The following GRID2 variants were observed in gnomAD, a reference collection of about 807,000 sequenced individuals.
GRID2 encodes the protein glutamate receptor ionotropic, delta-2.
Under a neutral mutation model 114.8 loss-of-function variants are expected in GRID2, and 33 were observed. The ratio of observed to expected loss-of-function variants is 0.29; its 90% CI spans 0.22 to 0.38. GRID2 has a LOEUF of 0.38. GRID2 is among the 10% of genes least tolerant of loss of function. The probability of loss-of-function intolerance (pLI) is 1.00; values close to 1 mark genes in which losing one functional copy is unlikely to be tolerated. For missense variants in GRID2, 1,184 were observed against 1,257.7 expected (o/e 0.94, Z 0.89); for synonymous variants, 505 against 449.9 (o/e 1.12, Z -1.55).
intron 15 of GRID2, among the ~76,000 whole-genome samples, chr4:93,771,438 C>T (rs1425733025): frequency 6.6e-6 from 1 of 152,178 alleles, no homozygotes; most frequent in Non-Finnish European, 1.5e-5. Context: ...ACTGACCTCA[C>T]AGTATTGACT....
intron 2 of GRID2, among the ~76,000 whole-genome samples, chr4:92,916,660 T>G (rs1748825617): frequency 6.6e-6 from 1 of 152,178 alleles, no homozygotes; most frequent in Non-Finnish European, 1.5e-5. Context: ...GGTTTCCAGC[T>G]TCATCCATGT....
chr4:93,517,985 G>A (rs62319525), intron 13 of GRID2, among the ~76,000 whole-genome samples: 2 of 16,344 alleles, frequency 1.2e-4, no homozygotes, highest in Non-Finnish European at 2.8e-4. Flanking sequence ...GTACATGTAT[G>A]TATATACATA....
At chr4:92,596,057 A>G (rs1214635915) in intron 2 of GRID2, among the ~76,000 whole-genome samples, 2 of 152,140 alleles carry the variant, frequency 1.3e-5, no homozygotes, top group African/African-American at 2.4e-5. Context: ...CTTTCCTAGC[A>G]TAATACTACA....
At chr4:92,545,358 A>C (rs1254231462) in intron 1 of GRID2, among the ~76,000 whole-genome samples, 1 of 152,304 alleles carries the variant, frequency 6.6e-6, no homozygotes, top group Admixed American at 6.5e-5. Context: ...TGCTGTTCTA[A>C]GCAAGGTAAT....
intron 2 of GRID2, among the ~76,000 whole-genome samples, chr4:92,675,745 A>C (rs1390161375): frequency 6.6e-6 from 1 of 151,810 alleles, no homozygotes; most frequent in Non-Finnish European, 1.5e-5. Flanking sequence ...TAGTAAAGAC[A>C]GGGTTTCACC....
intron 1 of GRID2, among the ~76,000 whole-genome samples, chr4:92,336,256 T>C (rs1252177753): frequency 6.6e-6 from 1 of 152,166 alleles, no homozygotes; most frequent in African/African-American, 2.4e-5. Context: ...CACTCAAAGC[T>C]TCATTATGAT....
chr4:92,576,621 G>T (rs1230450179), intron 1 of GRID2, among the ~76,000 whole-genome samples: 1 of 152,170 alleles, frequency 6.6e-6, no homozygotes, highest in African/African-American at 2.4e-5. Context: ...CTCTGCATGT[G>T]CCTGAGCATC....
intron 14 of GRID2, among the ~76,000 whole-genome samples, chr4:93,662,249 A>G (rs1457180289): frequency 1.3e-5 from 2 of 152,108 alleles, no homozygotes; most frequent in African/African-American, 2.4e-5. Flanking sequence ...GCACACGCCC[A>G]TCCCTGCCAA....
At chr4:93,789,292 AAGT>A (rs1448304003) in intron 1 of GRID2, among the ~76,000 whole-genome samples, 3 of 152,264 alleles carry the variant, frequency 2.0e-5, no homozygotes, top group Non-Finnish European at 4.4e-5. Flanking sequence ...GAATAGAAAT[AAGT>A]AGAACTGTTA....
At chr4:93,002,303 A>G (rs1721070895) in intron 2 of GRID2, among the ~76,000 whole-genome samples, 1 of 151,818 alleles carries the variant, frequency 6.6e-6, no homozygotes. Context: ...GATTTTTATT[A>G]TAGCTGGCCA....
chr4:93,738,184 C>T (rs1444874420), intron 14 of GRID2, among the ~76,000 whole-genome samples: 2 of 151,984 alleles, frequency 1.3e-5, no homozygotes, highest in Non-Finnish European at 2.9e-5. Context: ...AAACCCAAGC[C>T]TTTAGGTTAG....
intron 2 of GRID2, among the ~76,000 whole-genome samples, chr4:92,765,622 G>A (rs561341334): frequency 6.6e-6 from 1 of 152,194 alleles, no homozygotes; most frequent in African/African-American, 2.4e-5. Context: ...ACAGTGACCT[G>A]TGATACAGCC....
chr4:93,486,172 T>G (rs939466736), intron 11 of GRID2, among the ~76,000 whole-genome samples: 1 of 151,742 alleles, frequency 6.6e-6, no homozygotes, highest in African/African-American at 2.4e-5. Flanking sequence ...CTGTTATATA[T>G]AAATAAAATC....
Position 93,411,738 on chromosome 4 carries a change from A to G in GRID2, c.1348-11033A>G, listed in dbSNP as rs148183747. Among the ~76,000 whole-genome samples, 1,203 of 152,104 alleles carry G rather than the reference A, an allele frequency of 7.9e-3. 11 individuals carry two copies. Among genetic ancestry groups the G allele is most frequent in the Middle Eastern group, 0.017 (5 of 294 alleles). On this transcript the variant is annotated intron_variant, in intron 9 of 15. Coordinates refer to ENST00000282020, the MANE Select transcript of GRID2 (RefSeq NM_001510.4). ...TGAGCCACCGTGACCAGCTGTGAAT[A>G]GATATTTTTAACAGATGTGATCAGT...
At chr4:93,092,668 C>T (rs1376480142) in intron 3 of GRID2, among the ~76,000 whole-genome samples, 1 of 152,006 alleles carries the variant, frequency 6.6e-6, no homozygotes, top group East Asian at 1.9e-4. Context: ...TGGACTTTCA[C>T]TATGGGTTTC....
chr4:93,787,077 T>C (rs1477617948), intron 1 of GRID2, among the ~76,000 whole-genome samples: 2 of 151,652 alleles, frequency 1.3e-5, no homozygotes, highest in Non-Finnish European at 2.9e-5. Flanking sequence ...CTAGTTGCTC[T>C]GTTATTCCCT....
chr4:92,540,294 A>G (rs961924029), intron 1 of GRID2, among the ~76,000 whole-genome samples: 1 of 152,230 alleles, frequency 6.6e-6, no homozygotes, highest in Non-Finnish European at 1.5e-5. Context: ...AAATTGACAA[A>G]TGGGATCTAA....
chr4:93,481,165 T>A (rs1253828349), intron 11 of GRID2, among the ~76,000 whole-genome samples: 1 of 152,018 alleles, frequency 6.6e-6, no homozygotes, highest in Non-Finnish European at 1.5e-5. Flanking sequence ...GGGACCTAAT[T>A]TGTAGCATGG....
At chr4:92,384,577 A>ATATAATATATAAT (rs1560599086) in intron 1 of GRID2, among the ~76,000 whole-genome samples, 1 of 49,804 alleles carries the variant, frequency 2.0e-5, no homozygotes, top group African/African-American at 9.5e-5. Context: ...TAATATATAA[A>ATATAATATATAAT]ATATATTATA....
Sources: allele counts gnomAD v4.1 joint callset (sites outside exome capture counted in the v4.1 genomes callset), GRCh38; gene constraint gnomAD v4.1.1; transcripts MANE v1.5; gene names NCBI Gene and HGNC (gene_info 2026-07-23, HGNC 2026-07-21).